BLCAP: variants seen among roughly 807,000 people sequenced by gnomAD.
The protein encoded by BLCAP is BLCAP apoptosis inducing factor, also known as apoptosis inducing factor BLCAP.
Under a neutral mutation model 5.7 loss-of-function variants are expected in BLCAP, and 1 was observed. That is an observed-to-expected ratio of 0.18 (90% CI 0.06 to 0.83). The LOEUF is 0.83. Among genes scored for constraint, BLCAP ranks in the 40% least tolerant of loss-of-function variants. The pLI is 0.71. For synonymous variants in BLCAP, 48 were observed against 49.4 expected, an observed-to-expected ratio of 0.97 and a Z score of 0.11; for missense variants, 66 against 107.6, an observed-to-expected ratio of 0.61 and a Z score of 1.71.
Position 37,518,762 on chromosome 20 carries a change from G to C in BLCAP, c.*149C>G, listed in dbSNP as rs767666306. On this transcript the variant is annotated 3_prime_UTR_variant, in exon 2 of 2. Transcript: ENST00000373537. ...ACCGGTCAGTGCCATTATTCACATT[G>C]TAAGGATAAAACATCACAGGCCAAA... 10 of 1,110,354 alleles carry C rather than the reference G, an allele frequency of 9.0e-6. No homozygotes were observed. The South Asian group carries it at 1.1e-4, about 12-fold the overall frequency. The allele number at this position is 1,110,354 out of a possible 1,614,324, so 68.8% of individuals were successfully genotyped here. A position where few individuals can be genotyped will look rare whatever the true frequency, so the allele number is the denominator to read the frequency against.
At chr20:37,522,396 T>C (rs1214970712) in intron 1 of BLCAP, 2 of 1,613,900 alleles carry the variant, frequency 1.2e-6, no homozygotes, top group Admixed American at 3.3e-5. Context: ...TAGGATTCGC[T>C]TTTCGAAATC....
At chr20:37,527,209 G>A (rs1011519450) in intron 1 of BLCAP, 8 of 152,180 alleles carry the variant, frequency 5.3e-5, no homozygotes, top group Non-Finnish European at 1.2e-4. Context: ...CACGTCTATA[G>A]AAGGAAAGGG....
Position 37,521,169 on chromosome 20 carries a change from T to C in BLCAP, c.-176-1819A>G, listed in dbSNP as rs117228460. On this transcript the variant is annotated intron_variant, in intron 1 of 1. Coordinates refer to ENST00000373537, the MANE Select transcript of BLCAP (RefSeq NM_006698.4). This position sits in a 1 kb window ranked among gnomAD's most constrained non-coding sequence, Gnocchi z 4.5. ...AATGAGGAGCGCCCCCAGCCACCCCTCCTCATAAACACCCCCCAAGGCGCG... is the reference window on the plus strand; with the variant it reads ...AATGAGGAGCGCCCCCAGCCACCCCCCCTCATAAACACCCCCCAAGGCGCG... 9,227 of 702,504 alleles carry C rather than the reference T, an allele frequency of 0.013. 80 individuals carry two copies. The highest frequency in any genetic ancestry group is 0.032 in the Middle Eastern group (92 of 2,910). 43.5% of individuals were successfully genotyped at this position (702,504 alleles called of 1,614,324 possible).
rs564510265 is a variant in BLCAP, at chr20:37,521,254, C to T, written c.-176-1904G>A. ...CGCGGCCACCGCGGCTGCGGCAGTG[C>T]GCCCAACAGCGGACTCCGAGACCAG... is the stretch of plus-strand genomic sequence containing the variant. On this transcript the variant is annotated intron_variant, in intron 1 of 1. Transcript: ENST00000373537. The surrounding 1 kb of genome is among the most constrained non-coding windows in gnomAD (Gnocchi z 4.5). The T allele has an allele frequency of 6.8e-6, 10 of 1,474,844 alleles. No individual in the cohort carries two copies. The Admixed American group carries it at 1.0e-4, about 15-fold the overall frequency. 91.4% of individuals were successfully genotyped at this position (1,474,844 alleles called of 1,614,324 possible).
intron 1 of BLCAP, chr20:37,522,881 T>G (rs2147192042): frequency 1.2e-6 from 1 of 846,232 alleles, no homozygotes; most frequent in East Asian, 2.7e-5. Context: ...AGAGGAGCAC[T>G]TGGCAAGGTC....
intron 1 of BLCAP, among the ~76,000 whole-genome samples, chr20:37,526,421 C>T (rs898591582): frequency 3.9e-5 from 6 of 152,102 alleles, no homozygotes; most frequent in Non-Finnish European, 8.8e-5. Flanking sequence ...CACCATCTTC[C>T]CTGGGAGTGA....
In BLCAP at chr20:37,518,738, C is replaced by A; in HGVS notation, c.*173G>T. ...ACTATAGGACTTTACAATAAAAGCA[C>A]CGGTCAGTGCCATTATTCACATTGT... On this transcript the variant is annotated 3_prime_UTR_variant, in exon 2 of 2. Coordinates refer to ENST00000373537, the MANE Select transcript of BLCAP (RefSeq NM_006698.4). 2.2e-6 allele frequency: 2 copies of A among 920,436 alleles called. No individual in the cohort carries two copies. The highest frequency in any genetic ancestry group is 3.2e-6 in the Non-Finnish European group (2 of 621,618). 57.0% of individuals were successfully genotyped at this position (920,436 alleles called of 1,614,324 possible).
At chr20:37,524,037 G>C (rs947631275) in intron 1 of BLCAP, among the ~76,000 whole-genome samples, 5 of 152,190 alleles carry the variant, frequency 3.3e-5, no homozygotes, top group Admixed American at 3.3e-4. Context: ...GGAAAAAGGT[G>C]GGAGTAGCCC....
rs2071471298 is a variant in BLCAP, at chr20:37,519,154, C to T, written c.21G>A (p.Leu7=). ...GCTTGGGGATGAGGAGGACGGGCAGCAGCCACTGGAGGCAATACATGATCT... is the reference window on the plus strand; with the variant it reads ...GCTTGGGGATGAGGAGGACGGGCAGTAGCCACTGGAGGCAATACATGATCT... MYCLQW[L]LPVLLIPKPL... is the part of the protein sequence containing the mutation. The change falls in exon 2 of 2, where the codon CTG becomes CTA. Residue 7 remains leucine, a synonymous_variant. Coordinates refer to ENST00000373537, the MANE Select transcript of BLCAP (RefSeq NM_006698.4). 6.3e-7 allele frequency: 1 copy of T among 1,594,012 alleles called. No individual in the cohort carries two copies. Among genetic ancestry groups the T allele is most frequent in the Non-Finnish European group, 8.5e-7 (1 of 1,170,850 alleles).
Position 37,521,611 on chromosome 20 carries a change from G to T in BLCAP, c.-176-2261C>A, listed in dbSNP as rs1242071208. On this transcript the variant is annotated intron_variant, in intron 1 of 1. Transcript: ENST00000373537. This position sits in a 1 kb window ranked among gnomAD's most constrained non-coding sequence, Gnocchi z 4.5. ...CGCTGACCCTCCCTAGTGCGCCCGC[G>T]CCTGCCAGGGAACAAAGACTCGGGG... 3.5e-6 allele frequency: 2 copies of T among 568,408 alleles called. No individual in the cohort carries two copies. The highest frequency in any genetic ancestry group is 1.9e-5 in the African/African-American group (1 of 52,142). The allele number at this position is 568,408 out of a possible 1,614,324, so 35.2% of individuals were successfully genotyped here.
rs1191221454 is a variant in BLCAP at position 37,518,661 on chromosome 20, C to T, written c.*250G>A. ...GAGGCGAGAGGGGTGGTCATGCGGCCAGCCAGGACCTAGATGGGGACAGAA... is the reference window on the plus strand; with the variant it reads ...GAGGCGAGAGGGGTGGTCATGCGGCTAGCCAGGACCTAGATGGGGACAGAA... On this transcript the variant is annotated 3_prime_UTR_variant, in exon 2 of 2. Coordinates refer to ENST00000373537, the MANE Select transcript of BLCAP (RefSeq NM_006698.4). 2 of 535,426 alleles carry T rather than the reference C, an allele frequency of 3.7e-6. No individual in the cohort carries two copies. Among genetic ancestry groups the T allele is most frequent in the Admixed American group, 3.4e-5 (1 of 29,406 alleles). 33.2% of individuals were successfully genotyped at this position (535,426 alleles called of 1,614,324 possible).
rs1220699889 is a variant in BLCAP at position 37,518,727 on chromosome 20, C to T, written c.*184G>A. On this transcript the variant is annotated 3_prime_UTR_variant, in exon 2 of 2. Transcript: ENST00000373537. The stretch of plus-strand genomic sequence containing the variant: ...GACCACCCACGACTATAGGACTTTA[C>T]AATAAAAGCACCGGTCAGTGCCATT... 4.6e-6 allele frequency: 4 copies of T among 866,522 alleles called. No individual in the cohort carries two copies. The highest frequency in any genetic ancestry group is 6.9e-6 in the Non-Finnish European group (4 of 576,958). 53.7% of individuals were successfully genotyped at this position (866,522 alleles called of 1,614,324 possible).
Position 37,518,814 on chromosome 20 carries a change from G to A in BLCAP, c.*97C>T. ...AGGCGCCGTCAGGAATGTGACACCC[G>A]CGAGGCTGCGGGATTTGAAACTCCA... On this transcript the variant is annotated 3_prime_UTR_variant, in exon 2 of 2. Transcript: ENST00000373537. The A allele has an allele frequency of 6.0e-6, 9 of 1,507,676 alleles. No homozygotes were observed. Among genetic ancestry groups the A allele is most frequent in the South Asian group, 1.3e-5 (1 of 76,230 alleles). 93.4% of individuals were successfully genotyped at this position (1,507,676 alleles called of 1,614,324 possible).
chr20:37,521,229 C>T lies in BLCAP; in HGVS notation c.-176-1879G>A. The T allele has an allele frequency of 5.7e-6, 7 of 1,227,986 alleles. No individual in the cohort carries two copies. The highest frequency in any genetic ancestry group is 2.5e-5 in the South Asian group (2 of 80,394). The allele number at this position is 1,227,986 out of a possible 1,614,324, so 76.1% of individuals were successfully genotyped here. ...TTAGGTGGCGGGCGGGTACTTAAGG[C>T]GCGGCCACCGCGGCTGCGGCAGTGC... On this transcript the variant is annotated intron_variant, in intron 1 of 1. Coordinates refer to ENST00000373537, the MANE Select transcript of BLCAP (RefSeq NM_006698.4). The surrounding 1 kb of genome is among the most constrained non-coding windows in gnomAD (Gnocchi z 4.5).
In BLCAP at chr20:37,518,989, C is replaced by G. The variant is rs1203960360; in HGVS notation, c.186G>C (p.Trp62Cys). The G allele has an allele frequency of 1.2e-6, 2 of 1,614,222 alleles. No individual in the cohort carries two copies. Among genetic ancestry groups the G allele is most frequent in the South Asian group, 2.2e-5 (2 of 91,084 alleles). The change falls in exon 2 of 2, where the codon TGG (tryptophan) becomes TGC (cysteine). Residue 62 changes from tryptophan to cysteine, a missense_variant. By Grantham distance (215) the Trp-to-Cys change is radical. Transcript: ENST00000373537. The part of the protein sequence containing the change: ...AALFLICYSC[W>C]GNCFLYHCSD... ...AGCAGTGGTACAGGAAACAGTTTCC[C>G]CAGCAGCTATAGCAGATAAGGAACA...
chr20:37,518,891 A>T lies in BLCAP; in HGVS notation c.*20T>A. On this transcript the variant is annotated 3_prime_UTR_variant, in exon 2 of 2. Coordinates refer to ENST00000373537, the MANE Select transcript of BLCAP (RefSeq NM_006698.4). ...CCCCTCCCGTCTTCTGCTTCCTTGG[A>T]AAGCTAACAGGGCAGGCCGTTAGGT... is the stretch of plus-strand genomic sequence containing the variant. 1 of 1,611,630 alleles carries T rather than the reference A, an allele frequency of 6.2e-7. No individual in the cohort carries two copies. The highest frequency in any genetic ancestry group is 8.5e-7 in the Non-Finnish European group (1 of 1,178,570).
intron 1 of BLCAP, among the ~76,000 whole-genome samples, chr20:37,519,870 T>C (rs1751145102): frequency 6.6e-6 from 1 of 152,262 alleles, no homozygotes; most frequent in Non-Finnish European, 1.5e-5. Flanking sequence ...AGCGGGGCAC[T>C]GCCGGCCACC....
intron 1 of BLCAP, chr20:37,522,753 C>G: frequency 6.2e-7 from 1 of 1,600,940 alleles, no homozygotes. Flanking sequence ...AGCGAGCCCC[C>G]AACTGAGGCC....
chr20:37,519,288 T>G lies in BLCAP; in HGVS notation c.-114A>C. 1 of 1,301,506 alleles carries G rather than the reference T, an allele frequency of 7.7e-7. No individual in the cohort carries two copies. Among genetic ancestry groups the G allele is most frequent in the Non-Finnish European group, 1.0e-6 (1 of 962,594 alleles). The allele number at this position is 1,301,506 out of a possible 1,614,324, so 80.6% of individuals were successfully genotyped here. A position where few individuals can be genotyped will look rare whatever the true frequency, so the allele number is the denominator to read the frequency against. ...CCTCCGCTTTCTTCAACCCTCACTC[T>G]CCAGGAGCTGAGCCGCTGTGCTCTC... is the stretch of plus-strand genomic sequence containing the variant. On this transcript the variant is annotated 5_prime_UTR_variant, in exon 2 of 2. Transcript: ENST00000373537.
Sources: allele counts gnomAD v4.1 joint callset (sites outside exome capture counted in the v4.1 genomes callset), GRCh38; gene constraint gnomAD v4.1.1; non-coding constraint Gnocchi (gnomAD v3.1); transcripts MANE v1.5; gene names NCBI Gene and HGNC (gene_info 2026-07-23, HGNC 2026-07-21).